SNX27: variants seen among roughly 807,000 people sequenced by gnomAD.
SNX27 encodes sorting nexin-27.
A neutral mutation model predicts 71.6 loss-of-function variants in SNX27; 22 were observed. The observed-to-expected ratio is 0.31, with a 90% CI of 0.22 to 0.44. The LOEUF is 0.44. SNX27 is among the 20% of genes least tolerant of loss of function. The pLI is 1.00. For synonymous variants in SNX27, 269 were observed against 277.2 expected (o/e 0.97, Z 0.29); for missense variants, 531 against 698.6 (o/e 0.76, Z 2.70).
rs148802579 is a variant in SNX27 at position 151,662,354 on chromosome 1, G to A, written c.906+84G>A. ...TTAAATAAGTCAATACATATAAAGT[G>A]CTTAGGGTGTCTGGCACATAATCCG... On this transcript the variant is annotated intron_variant, in intron 5 of 11. Coordinates refer to ENST00000458013, the MANE Select transcript of SNX27 (RefSeq NM_001330723.2). The A allele has an allele frequency of 6.4e-4, 502 of 780,102 alleles. 9 individuals are homozygous for A. The East Asian group carries it at 7.9e-3, about 12-fold the overall frequency. 48.3% of individuals were successfully genotyped at this position (780,102 alleles called of 1,614,324 possible).
rs944142652 is a variant in SNX27, at chr1:151,651,143, G to T, written c.544-7092G>T. Reference sequence around the variant, plus strand: ...ACACCTCCCAGACGGGGTGGTGGCCGGGCAGAGGGGCTCCTCACTTCCCAG... The same window carrying T: ...ACACCTCCCAGACGGGGTGGTGGCCTGGCAGAGGGGCTCCTCACTTCCCAG... On this transcript the variant is annotated intron_variant, in intron 2 of 11. Coordinates refer to ENST00000458013, the MANE Select transcript of SNX27 (RefSeq NM_001330723.2). 4.6e-5 allele frequency among the ~76,000 whole-genome samples: 7 copies of T among 151,942 alleles called. No homozygotes were observed. The South Asian group carries it at 1.2e-3, about 27-fold the overall frequency.
At chr1:151,645,756 C>T (rs1669006924) in intron 2 of SNX27, among the ~76,000 whole-genome samples, 3 of 152,168 alleles carry the variant, frequency 2.0e-5, no homozygotes, top group Admixed American at 2.0e-4. Flanking sequence ...TTAAATTGTG[C>T]TATTTTGTAA....
At chr1:151,619,368 A>G (rs1399859948) in intron 1 of SNX27, among the ~76,000 whole-genome samples, 2 of 152,214 alleles carry the variant, frequency 1.3e-5, no homozygotes, top group African/African-American at 2.4e-5. Context: ...ACCAGAGTGC[A>G]TGATACCAGT....
intron 1 of SNX27, among the ~76,000 whole-genome samples, chr1:151,620,653 G>T (rs1667627497): frequency 6.7e-6 from 1 of 149,834 alleles, no homozygotes; most frequent in African/African-American, 2.4e-5. Flanking sequence ...TTGTGTTCTA[G>T]CTCTACTTTC....
rs537356788 is a variant in SNX27, at chr1:151,695,682, C to T, written c.*1265C>T. Reference sequence around the variant, plus strand: ...TCAGGTGATCCTCTTGTCTCAGCCTCCCAAAGTGCTGGGATTACAGGCATG... The same window carrying T: ...TCAGGTGATCCTCTTGTCTCAGCCTTCCAAAGTGCTGGGATTACAGGCATG... On this transcript the variant is annotated 3_prime_UTR_variant, in exon 12 of 12. Coordinates refer to ENST00000458013, the MANE Select transcript of SNX27 (RefSeq NM_001330723.2). The T allele has an allele frequency of 1.3e-5, 2 of 152,464 alleles. No homozygotes were observed. Among genetic ancestry groups the T allele is most frequent in the South Asian group, 4.1e-4 (2 of 4,836 alleles). The allele number at this position is 152,464 out of a possible 1,614,324, so 9.4% of individuals were successfully genotyped here. A position where few individuals can be genotyped will look rare whatever the true frequency, so the allele number is the denominator to read the frequency against.
intron 5 of SNX27, chr1:151,662,735 G>A (rs112822291): frequency 0.023 from 3,514 of 152,502 alleles, 130 homozygotes; most frequent in African/African-American, 0.079. Context: ...CACCCACCTC[G>A]GCCTCCCAAA....
chr1:151,628,025 T>A (rs1005819645), intron 1 of SNX27, among the ~76,000 whole-genome samples: 1 of 139,648 alleles, frequency 7.2e-6, no homozygotes, highest in African/African-American at 2.7e-5. Context: ...TTTTTTTTTT[T>A]AGATGGAATT....
intron 2 of SNX27, among the ~76,000 whole-genome samples, chr1:151,647,211 T>TGA (rs1209892233): frequency 6.6e-6 from 1 of 150,926 alleles, no homozygotes; most frequent in Non-Finnish European, 1.5e-5. Flanking sequence ...AGTGCAGTGG[T>TGA]GAGATCTCAG....
intron 2 of SNX27, among the ~76,000 whole-genome samples, chr1:151,649,343 G>A (rs1286945150): frequency 6.6e-6 from 1 of 152,098 alleles, no homozygotes; most frequent in African/African-American, 2.4e-5. Flanking sequence ...AGCACTTTGG[G>A]AGGCTGAGGC....
At chr1:151,636,572 T>C (rs1668464960) in intron 1 of SNX27, among the ~76,000 whole-genome samples, 1 of 150,540 alleles carries the variant, frequency 6.6e-6, no homozygotes, top group Non-Finnish European at 1.5e-5. Context: ...CCTAAAGTGC[T>C]GGGATTACAG....
intron 6 of SNX27, among the ~76,000 whole-genome samples, chr1:151,667,449 A>G (rs887473216): frequency 1.3e-5 from 2 of 152,144 alleles, no homozygotes; most frequent in African/African-American, 2.4e-5. Context: ...TTTGGCCTTA[A>G]CAATAAAAGC....
At chr1:151,635,856 TAAGTG>T (rs1208836040) in intron 1 of SNX27, among the ~76,000 whole-genome samples, 2 of 152,204 alleles carry the variant, frequency 1.3e-5, no homozygotes, top group Non-Finnish European at 2.9e-5. Flanking sequence ...AAGTGAAACC[TAAGTG>T]AGCTCCCTTG....
At chr1:151,621,453 T>G (rs1166558621) in intron 1 of SNX27, among the ~76,000 whole-genome samples, 1 of 152,224 alleles carries the variant, frequency 6.6e-6, no homozygotes, top group African/African-American at 2.4e-5. Flanking sequence ...TTGCTTAAGC[T>G]GTCTGAAACT....
At chr1:151,689,209 C>T (rs1029298229) in intron 8 of SNX27, among the ~76,000 whole-genome samples, 1 of 152,158 alleles carries the variant, frequency 6.6e-6, no homozygotes, top group Non-Finnish European at 1.5e-5. Flanking sequence ...ATTATTCTTA[C>T]TTTACAGAGA....
chr1:151,658,319 G>A lies in SNX27; in HGVS notation c.628G>A (p.Glu210Lys), dbSNP rs1669791759. The A allele has an allele frequency of 6.2e-7, 1 of 1,614,064 alleles. No individual in the cohort carries two copies. Among genetic ancestry groups the A allele is most frequent in the Admixed American group, 1.7e-5 (1 of 60,008 alleles). ...TATCCTACACCAGAACCTGAAGAGA[G>A]AGTTTGCCAACTTTACATTTCCTCG... is the stretch of plus-strand genomic sequence containing the variant. ...FAILHQNLKREFANFTFPRLP... is the reference protein window; with the variant it reads ...FAILHQNLKRKFANFTFPRLP... The change falls in exon 3 of 12, where the codon GAG becomes AAG. Residue 210 changes from glutamate (E) to lysine (K), a missense_variant. Transcript: ENST00000458013.
At chr1:151,662,423 A>ACTTT in intron 5 of SNX27, 153 bp downstream of exon 5, 1 of 473,042 alleles carries the variant, frequency 2.1e-6, no homozygotes. Flanking sequence ...ATGTGAAAGT[A>ACTTT]CTTTGCCCTC....
chr1:151,628,147 C>T (rs1485852955), intron 1 of SNX27, among the ~76,000 whole-genome samples: 2 of 151,774 alleles, frequency 1.3e-5, no homozygotes, highest in Non-Finnish European at 2.9e-5. Flanking sequence ...GCTGGGATTA[C>T]AGGCGCCCGC....
intron 8 of SNX27, among the ~76,000 whole-genome samples, chr1:151,683,959 G>A (rs930725992): frequency 6.6e-6 from 1 of 152,130 alleles, no homozygotes; most frequent in Non-Finnish European, 1.5e-5. Flanking sequence ...GAGCCACTGA[G>A]CCTGGCCCAT....
At chr1:151,640,136 A>G (rs1571795132) in intron 2 of SNX27, among the ~76,000 whole-genome samples, 1 of 152,208 alleles carries the variant, frequency 6.6e-6, no homozygotes, top group East Asian at 1.9e-4. Context: ...AGCTGTAGAT[A>G]ATGGCATATA....
Sources: gnomAD v4.1 joint callset for allele counts (sites outside exome capture counted in the v4.1 genomes callset) on GRCh38, gnomAD v4.1.1 for gene constraint, MANE v1.5 for transcripts, NCBI Gene and HGNC (gene_info 2026-07-23, HGNC 2026-07-21) for gene names.